KPNA1: variants seen among roughly 807,000 people sequenced by gnomAD.
KPNA1 encodes the protein importin subunit alpha-5.
A neutral mutation model predicts 70.5 loss-of-function variants in KPNA1; 10 were observed. The ratio of observed to expected loss-of-function variants is 0.14; its 90% confidence interval spans 0.09 to 0.24. KPNA1 has a LOEUF of 0.24. KPNA1 is among the 10% of genes least tolerant of loss of function. The pLI is 1.00. For missense variants in KPNA1, 397 were observed against 637.9 expected, an observed-to-expected ratio of 0.62 and a Z score of 4.07; for synonymous variants, 192 against 221.9, an observed-to-expected ratio of 0.87 and a Z score of 1.20.
intron 2 of KPNA1, among the ~76,000 whole-genome samples, chr3:122,487,643 A>G (rs1044564032): frequency 2.0e-5 from 3 of 152,220 alleles, no homozygotes; most frequent in African/African-American, 7.2e-5. Context: ...GCTGAGTGAA[A>G]TAAGTCAGTT....
intron 5 of KPNA1, among the ~76,000 whole-genome samples, chr3:122,454,330 C>T (rs2076243330): frequency 6.6e-6 from 1 of 152,076 alleles, no homozygotes; most frequent in Admixed American, 6.6e-5. Flanking sequence ...ATTAATATGG[C>T]ATTATACCAT....
At chr3:122,496,734 GCTCTGTCCACCCGGA>G (rs1195180480) in intron 1 of KPNA1, 164 bp from the exon 2 acceptor site, 1 of 555,540 alleles carries the variant, frequency 1.8e-6, no homozygotes, top group Non-Finnish European at 3.1e-6. Context: ...ACAAGGTCTT[GCTCTGTCCACCCGGA>G]CTGGAGTACA....
chr3:122,444,420 T>G (rs892009853), intron 9 of KPNA1, among the ~76,000 whole-genome samples: 1 of 152,208 alleles, frequency 6.6e-6, no homozygotes, highest in Non-Finnish European at 1.5e-5. Flanking sequence ...GAGTATTGAC[T>G]GGGGAAGTGA....
chr3:122,484,504 G>A (rs1257482575), intron 2 of KPNA1, among the ~76,000 whole-genome samples: 1 of 152,094 alleles, frequency 6.6e-6, no homozygotes, highest in South Asian at 2.1e-4. Flanking sequence ...AAAATTAGCT[G>A]GCATGGTGGT....
rs144512503 is a variant in KPNA1, at chr3:122,422,551, C to T, written c.*4434G>A. 1.3e-5 allele frequency: 2 copies of T among 152,272 alleles called. No individual in the cohort carries two copies. Among genetic ancestry groups the T allele is most frequent in the Admixed American group, 6.5e-5 (1 of 15,290 alleles). 9.4% of individuals were successfully genotyped at this position (152,272 alleles called of 1,614,324 possible). On this transcript the variant is annotated 3_prime_UTR_variant, in exon 14 of 14. Transcript: ENST00000344337. ...AATGGTCTAACAAAAAAGGCTGGCC[C>T]AGCTGTGGTTGCCAAGTCTAGTTCT...
At chr3:122,459,325 C>G (rs912811247) in intron 5 of KPNA1, 2 of 625,120 alleles carry the variant, frequency 3.2e-6, no homozygotes, top group African/African-American at 4.0e-5. Context: ...AAAGAACTAC[C>G]ACCTAATAAA....
intron 1 of KPNA1, among the ~76,000 whole-genome samples, chr3:122,504,661 C>T (rs2076869941): frequency 6.6e-6 from 1 of 152,158 alleles, no homozygotes; most frequent in Non-Finnish European, 1.5e-5. Context: ...TGTGTCTGCG[C>T]ACACGCATGT....
rs547300226 is a variant in KPNA1, at chr3:122,484,519, G to A, written c.129+11918C>T. ...AAAATTAGCTGGCATGGTGGTGGGCGCCTATAATCCCAGCTGCTTGAGAGG... is the reference window on the plus strand; with the variant it reads ...AAAATTAGCTGGCATGGTGGTGGGCACCTATAATCCCAGCTGCTTGAGAGG... On this transcript the variant is annotated intron_variant, in intron 2 of 13. Transcript: ENST00000344337. Among the ~76,000 whole-genome samples the A allele has an allele frequency of 2.6e-5, 4 of 152,112 alleles. No individual in the cohort carries two copies. In the South Asian group the frequency reaches 6.2e-4, roughly 24 times the overall value.
chr3:122,452,026 G>A lies in KPNA1; in HGVS notation c.603C>T (p.Thr201=), dbSNP rs2076207632. ...AGTCTAAGACATAGTCCCTGCACAT[G>A]GTACTATCTCCAGCAATGTTGCCAA... The part of the protein sequence containing the change: ...WALGNIAGDS[T]MCRDYVLDCN... The change falls in exon 7 of 14, where the codon ACC becomes ACT. Residue 201 remains threonine (T), a synonymous_variant. Transcript: ENST00000344337. The A allele has an allele frequency of 6.2e-7, 1 of 1,611,992 alleles. No homozygotes were observed. Among genetic ancestry groups the A allele is most frequent in the African/African-American group, 1.3e-5 (1 of 74,960 alleles).
At chr3:122,470,238 C>T (rs761439144) in intron 2 of KPNA1, among the ~76,000 whole-genome samples, 8 of 152,154 alleles carry the variant, frequency 5.3e-5, no homozygotes, top group Non-Finnish European at 1.0e-4. Flanking sequence ...GTAGGCGGGG[C>T]ACGGTGGCTC....
chr3:122,471,568 G>A (rs533036312), intron 2 of KPNA1, among the ~76,000 whole-genome samples: 1 of 151,824 alleles, frequency 6.6e-6, no homozygotes, highest in African/African-American at 2.4e-5. Flanking sequence ...TTGGCCAGAC[G>A]TGGTGACTCA....
intron 1 of KPNA1, 34 bp from the exon 2 acceptor site, chr3:122,496,604 T>C (rs1300675576): frequency 1.0e-5 from 16 of 1,599,856 alleles, no homozygotes; most frequent in Non-Finnish European, 1.3e-5. Context: ...CAAATGAGTT[T>C]ACTGTGAAGA....
At chr3:122,427,210 T>C (rs371836147) in intron 13 of KPNA1, 38 bp from the exon 14 acceptor site, 103 of 1,463,826 alleles carry the variant, frequency 7.0e-5, no homozygotes, top group Non-Finnish European at 9.5e-5. Context: ...TATTGAAAAC[T>C]TCAATAAATA....
intron 2 of KPNA1, among the ~76,000 whole-genome samples, chr3:122,484,262 G>T (rs2076603956): frequency 1.3e-5 from 2 of 152,096 alleles, no homozygotes. Context: ...GTTTAAAAAA[G>T]AATTACAATA....
At chr3:122,502,423 T>G (rs2076839472) in intron 1 of KPNA1, among the ~76,000 whole-genome samples, 1 of 152,240 alleles carries the variant, frequency 6.6e-6, no homozygotes, top group South Asian at 2.1e-4. Context: ...GAGACTTCTC[T>G]GAGAGATACA....
At chr3:122,430,553 A>G (rs1281044173) in intron 12 of KPNA1, among the ~76,000 whole-genome samples, 6 of 86,320 alleles carry the variant, frequency 7.0e-5, no homozygotes, top group Admixed American at 6.2e-4. Flanking sequence ...TGGTTTCTCA[A>G]ATAAACTGTG....
intron 2 of KPNA1, among the ~76,000 whole-genome samples, chr3:122,495,277 A>G (rs979435325): frequency 3.3e-5 from 5 of 151,100 alleles, no homozygotes; most frequent in Admixed American, 1.3e-4. Context: ...AAAAAAAAAG[A>G]AAAGGAAATT....
chr3:122,508,148 T>C (rs2076912733), intron 1 of KPNA1, among the ~76,000 whole-genome samples: 1 of 151,828 alleles, frequency 6.6e-6, no homozygotes, highest in African/African-American at 2.4e-5. Context: ...TTCAAATAAA[T>C]GAACCAGAAC....
chr3:122,430,154 G>A (rs925686208), intron 12 of KPNA1, among the ~76,000 whole-genome samples: 4 of 151,868 alleles, frequency 2.6e-5, no homozygotes, highest in Admixed American at 1.3e-4. Context: ...GATGGTAGGA[G>A]ATGCTCATAA....
Sources: allele counts gnomAD v4.1 joint callset (sites outside exome capture counted in the v4.1 genomes callset), GRCh38; gene constraint gnomAD v4.1.1; transcripts MANE v1.5; gene names NCBI Gene and HGNC (gene_info 2026-07-23, HGNC 2026-07-21).